The following ZNF777 variants were observed in gnomAD, a reference collection of about 807,000 sequenced individuals.
ZNF777 encodes the protein zinc finger protein 777.
Under a neutral mutation model 72.1 loss-of-function variants are expected in ZNF777, and 7 were observed. That is an observed-to-expected ratio of 0.10 (90% CI 0.06 to 0.18). The LOEUF (loss-of-function observed/expected upper bound fraction) is 0.18. ZNF777 is among the 10% of genes least tolerant of loss of function. The probability of loss-of-function intolerance (pLI) is 1.00; values close to 1 mark genes in which losing one functional copy is unlikely to be tolerated. For synonymous variants in ZNF777, 545 were observed against 483.5 expected (o/e 1.13, Z -1.67); for missense variants, 828 against 1,128.6 (o/e 0.73, Z 3.82).
At position 149,442,874 on chromosome 7, in the gene ZNF777, C is replaced by T. The variant is rs766322705; in HGVS notation, c.1088-6048G>A. 6.6e-4 allele frequency among the ~76,000 whole-genome samples: 100 copies of T among 152,118 alleles called. 1 individual carries two copies. Among genetic ancestry groups the T allele is most frequent in the Admixed American group, 2.2e-3 (34 of 15,276 alleles). On this transcript the variant is annotated intron_variant, in intron 4 of 5. Coordinates refer to ENST00000247930, the MANE Select transcript of ZNF777 (RefSeq NM_015694.3). ...ACATCCAAATATTGTGTTTTTTCTA[C>T]TTATTACTTTGGCAAATGATAAAAA...
intron 1 of ZNF777, among the ~76,000 whole-genome samples, chr7:149,456,316 G>C (rs1026777120): frequency 2.0e-5 from 3 of 152,148 alleles, no homozygotes; most frequent in African/African-American, 7.2e-5. Context: ...CTTACGAACA[G>C]CAGTGTGGGA....
chr7:149,438,371 G>C (rs1303177624), intron 4 of ZNF777, among the ~76,000 whole-genome samples: 5 of 152,212 alleles, frequency 3.3e-5, no homozygotes, highest in African/African-American at 1.2e-4. Flanking sequence ...TAATACCGTG[G>C]CTTATTCATT....
chr7:149,448,510 T>TATATATATAA (rs1351675498), intron 4 of ZNF777, among the ~76,000 whole-genome samples: 1,442 of 122,288 alleles, frequency 0.012, 45 homozygotes, highest in Non-Finnish European at 0.015. Context: ...TATATATATA[T>TATATATATAA]AACTATATAT....
chr7:149,446,396 G>C (rs1013945641), intron 4 of ZNF777, among the ~76,000 whole-genome samples: 1 of 152,088 alleles, frequency 6.6e-6, no homozygotes, highest in Non-Finnish European at 1.5e-5. Flanking sequence ...GGAAGGATTT[G>C]GGAAGGTGGG....
At chr7:149,440,427 A>G (rs549158684) in intron 4 of ZNF777, among the ~76,000 whole-genome samples, 18 of 152,174 alleles carry the variant, frequency 1.2e-4, no homozygotes, top group African/African-American at 3.6e-4. Context: ...TGGTGAGATC[A>G]TGGCTCACTG....
rs1467749253 is a variant in ZNF777 at position 149,432,142 on chromosome 7, C to T, written c.2130G>A (p.Leu710=). The T allele has an allele frequency of 6.2e-7, 1 of 1,602,058 alleles. No homozygotes were observed. The highest frequency in any genetic ancestry group is 1.4e-5 in the African/African-American group (1 of 73,758). The part of the protein sequence containing the change: ...GKSFSRPSHL[L]RHQRTHTGER... Reference sequence around the variant, plus strand: ...CGCCTGTGTGAGTCCGCTGGTGGCGCAGCAGGTGCGAGGGGCGGCTGAAGC... The same window carrying T: ...CGCCTGTGTGAGTCCGCTGGTGGCGTAGCAGGTGCGAGGGGCGGCTGAAGC... The change falls in exon 6 of 6, where the codon CTG becomes CTA. Residue 710 remains leucine (L), a synonymous_variant. Coordinates refer to ENST00000247930, the MANE Select transcript of ZNF777 (RefSeq NM_015694.3).
At chr7:149,453,135 C>T (rs1799755534) in intron 3 of ZNF777, among the ~76,000 whole-genome samples, 1 of 152,138 alleles carries the variant, frequency 6.6e-6, no homozygotes, top group African/African-American at 2.4e-5. Flanking sequence ...TATATCTGCA[C>T]ATGCAAAAAA....
In ZNF777 at chr7:149,459,764, G is replaced by A. The variant is rs557907938; in HGVS notation, c.-16+1051C>T. 1.5e-4 allele frequency: 145 copies of A among 984,978 alleles called. No homozygotes were observed. The African/African-American group carries it at 2.3e-3, about 16-fold the overall frequency. The allele number at this position is 984,978 out of a possible 1,614,324, so 61.0% of individuals were successfully genotyped here. The stretch of plus-strand genomic sequence containing the variant: ...CGCGTCAGCGCCGCGCCCGGGCCGG[G>A]GAAGGCTCCGCGGGGCCGAGCTCTG... On this transcript the variant is annotated intron_variant, in intron 1 of 5. Coordinates refer to ENST00000247930, the MANE Select transcript of ZNF777 (RefSeq NM_015694.3).
chr7:149,448,579 CTATATATATATA>C (rs57860880), intron 4 of ZNF777, among the ~76,000 whole-genome samples: 2,103 of 114,910 alleles, frequency 0.018, 61 homozygotes, highest in African/African-American at 0.066. Flanking sequence ...ATACATATAA[CTATATATATATA>C]TATATATATA....
At chr7:149,459,994 C>A in intron 1 of ZNF777, 1 of 955,708 alleles carries the variant, frequency 1.0e-6, no homozygotes, top group Non-Finnish European at 1.2e-6. Context: ...GCGCCCCCAC[C>A]CCCCGCGCCA....
intron 2 of ZNF777, among the ~76,000 whole-genome samples, chr7:149,454,520 C>T (rs1225291721): frequency 6.6e-6 from 1 of 152,218 alleles, no homozygotes; most frequent in Non-Finnish European, 1.5e-5. Flanking sequence ...TACTAAATAG[C>T]TTCTGCATTC....
At position 149,454,208 on chromosome 7, in the gene ZNF777, C is replaced by T. The variant is rs1799778872; in HGVS notation, c.876G>A (p.Val292=). Residue 292 remains valine, a synonymous_variant, in exon 3 of 6, where the codon GTG becomes GTA. Coordinates refer to ENST00000247930, the MANE Select transcript of ZNF777 (RefSeq NM_015694.3). ...KVPVTFDDVA[V]HFSEQEWGNL... ...TTCCCCACTCCTGCTCCGAGAAGTG[C>T]ACAGCAACATCATCAAATGTGACAG... 1 of 1,614,074 alleles carries T rather than the reference C, an allele frequency of 6.2e-7. No individual in the cohort carries two copies. Among genetic ancestry groups the T allele is most frequent in the African/African-American group, 1.3e-5 (1 of 74,932 alleles).
At position 149,460,142 on chromosome 7, in the gene ZNF777, G is replaced by T. The variant is rs1322862297; in HGVS notation, c.-16+673C>A. ...CCTCACAGGAGCCGGGGCCGCCTCG[G>T]CCATGGCCCTGCGCTGTCCGGCCCG... On this transcript the variant is annotated intron_variant, in intron 1 of 5. Transcript: ENST00000247930. The surrounding 1 kb of genome is among the most constrained non-coding windows in gnomAD (Gnocchi z 6.1). The T allele has an allele frequency of 3.1e-6, 3 of 978,728 alleles. No individual in the cohort carries two copies. The African/African-American group carries it at 5.3e-5, about 17-fold the overall frequency. 60.6% of individuals were successfully genotyped at this position (978,728 alleles called of 1,614,324 possible).
In ZNF777 at chr7:149,454,205, G is replaced by A; in HGVS notation, c.879C>T (p.His293=). 1 of 1,614,214 alleles carries A rather than the reference G, an allele frequency of 6.2e-7. No individual in the cohort carries two copies. Among genetic ancestry groups the A allele is most frequent in the African/African-American group, 1.3e-5 (1 of 75,048 alleles). The change falls in exon 3 of 6, where the codon CAC becomes CAT. Residue 293 remains histidine, a synonymous_variant. Transcript: ENST00000247930. ...VPVTFDDVAV[H]FSEQEWGNLS... is the part of the protein sequence containing the mutation. The stretch of plus-strand genomic sequence containing the variant: ...GGTTTCCCCACTCCTGCTCCGAGAA[G>A]TGCACAGCAACATCATCAAATGTGA...
intron 4 of ZNF777, among the ~76,000 whole-genome samples, chr7:149,444,346 T>C (rs1799570894): frequency 6.6e-6 from 1 of 152,186 alleles, no homozygotes; most frequent in Non-Finnish European, 1.5e-5. Flanking sequence ...AACTCTCCTT[T>C]CCAAACATTC....
intron 5 of ZNF777, 46 bp from the exon 6 acceptor site, chr7:149,432,978 C>G: frequency 6.9e-7 from 1 of 1,448,656 alleles, no homozygotes; most frequent in South Asian, 1.5e-5. Context: ...CTGCCTGGCG[C>G]CCCTAACCTA....
intron 4 of ZNF777, 146 bp downstream of exon 4, chr7:149,450,853 C>CTTT: frequency 1.6e-6 from 1 of 637,344 alleles, no homozygotes; most frequent in Admixed American, 3.0e-5. Flanking sequence ...TCATGGCACT[C>CTTT]CAAAGCAGGT....
chr7:149,451,249 C>A (rs1799711365), intron 3 of ZNF777, 137 bp from the exon 4 acceptor site: 1 of 719,196 alleles, frequency 1.4e-6, no homozygotes, highest in African/African-American at 1.8e-5. Flanking sequence ...CAAGTCTCCC[C>A]TTCTTTTCCC....
At chr7:149,449,483 G>A (rs867662107) in intron 4 of ZNF777, among the ~76,000 whole-genome samples, 3 of 152,210 alleles carry the variant, frequency 2.0e-5, no homozygotes, top group South Asian at 2.1e-4. Flanking sequence ...CTTGCATCCA[G>A]CCCTTCCAAG....
Sources: allele counts gnomAD v4.1 joint callset (sites outside exome capture counted in the v4.1 genomes callset), GRCh38; gene constraint gnomAD v4.1.1; non-coding constraint Gnocchi (gnomAD v3.1); transcripts MANE v1.5; gene names NCBI Gene and HGNC (gene_info 2026-07-23, HGNC 2026-07-21).